Variants in ZBTB20 observed in about 807,000 individuals in gnomAD.
The protein encoded by ZBTB20 is zinc finger and BTB domain containing 20, also known as zinc finger and BTB domain-containing protein 20.
ZBTB20 carries 9 observed loss-of-function variants against 56.9 expected under a neutral mutation model. That is an observed-to-expected ratio of 0.16 (90% CI 0.10 to 0.28). ZBTB20 has a LOEUF of 0.28. Among genes scored for constraint, ZBTB20 ranks in the 10% least tolerant of loss-of-function variants. ZBTB20 has a pLI of 1.00. For missense variants in ZBTB20, 655 were observed against 1,003.0 expected (o/e 0.65, Z 4.69); for synonymous variants, 417 against 420.7 (o/e 0.99, Z 0.11).
chr3:114,614,142 C>T (rs1403202689), intron 6 of ZBTB20, among the ~76,000 whole-genome samples: 2 of 152,250 alleles, frequency 1.3e-5, no homozygotes, highest in East Asian at 3.9e-4. Flanking sequence ...AAGAGTTGCC[C>T]TGCCTCATCT....
intron 10 of ZBTB20, among the ~76,000 whole-genome samples, chr3:114,371,267 C>T (rs981577018): frequency 1.3e-5 from 2 of 152,082 alleles, no homozygotes; most frequent in Non-Finnish European, 2.9e-5. Flanking sequence ...ATATACTTTA[C>T]AAACTTTCTA....
intron 1 of ZBTB20, among the ~76,000 whole-genome samples, chr3:115,138,809 G>C (rs1303481952): frequency 6.6e-6 from 1 of 152,044 alleles, no homozygotes; most frequent in Non-Finnish European, 1.5e-5. Flanking sequence ...GGTGTGATTA[G>C]TATTCCTGTT....
intron 6 of ZBTB20, among the ~76,000 whole-genome samples, chr3:114,652,378 T>C (rs1009898225): frequency 1.3e-5 from 2 of 152,110 alleles, no homozygotes; most frequent in Non-Finnish European, 2.9e-5. Flanking sequence ...TTTCATTATA[T>C]GAATATACCA....
chr3:114,431,572 T>G (rs1314707585), intron 7 of ZBTB20, among the ~76,000 whole-genome samples: 1 of 152,200 alleles, frequency 6.6e-6, no homozygotes, highest in Non-Finnish European at 1.5e-5. Context: ...CATTGACACT[T>G]GATAATCAAG....
chr3:114,345,098 A>G (rs1215370538), intron 11 of ZBTB20, among the ~76,000 whole-genome samples: 1 of 152,272 alleles, frequency 6.6e-6, no homozygotes, highest in Non-Finnish European at 1.5e-5. Flanking sequence ...GTATCTGTGT[A>G]TAAGTCCCTT....
chr3:115,130,219 C>T (rs915803391), intron 1 of ZBTB20, among the ~76,000 whole-genome samples: 2 of 152,012 alleles, frequency 1.3e-5, no homozygotes, highest in Non-Finnish European at 2.9e-5. Context: ...CATCTAATAT[C>T]TTTAAATTCT....
chr3:114,502,716 G>A (rs1003801639), intron 6 of ZBTB20: 4 of 152,020 alleles, frequency 2.6e-5, no homozygotes, highest in African/African-American at 9.7e-5. Flanking sequence ...ATTAGACTAT[G>A]GCACAGGGGC....
chr3:114,400,277 T>A (rs2086701002), intron 7 of ZBTB20, among the ~76,000 whole-genome samples: 1 of 152,174 alleles, frequency 6.6e-6, no homozygotes, highest in Non-Finnish European at 1.5e-5. Context: ...ATAATACTTG[T>A]AAGCTGTAAA....
chr3:114,885,174 A>C (rs12495877), intron 4 of ZBTB20, among the ~76,000 whole-genome samples: 38,527 of 151,998 alleles, frequency 0.25, 5,227 homozygotes, highest in Middle Eastern at 0.33. Flanking sequence ...CCAACTGTAC[A>C]TTGTTAATAG....
At chr3:114,947,240 A>G (rs1185342801) in intron 3 of ZBTB20, among the ~76,000 whole-genome samples, 1 of 146,114 alleles carries the variant, frequency 6.8e-6, no homozygotes, top group East Asian at 1.9e-4. Flanking sequence ...CACTATAGAA[A>G]ACAATATGGA....
chr3:114,920,228 C>A (rs759930661), intron 3 of ZBTB20, among the ~76,000 whole-genome samples: 1 of 152,050 alleles, frequency 6.6e-6, no homozygotes, highest in African/African-American at 2.4e-5. Flanking sequence ...ATATAGACAG[C>A]AAATCACCAG....
At chr3:115,126,923 C>T (rs1040284980) in intron 1 of ZBTB20, among the ~76,000 whole-genome samples, 5 of 152,176 alleles carry the variant, frequency 3.3e-5, no homozygotes, top group Non-Finnish European at 4.4e-5. Context: ...GGAAAAATGA[C>T]TATGAACTAT....
chr3:114,646,810 C>T (rs1206223153), intron 6 of ZBTB20, among the ~76,000 whole-genome samples: 1 of 152,088 alleles, frequency 6.6e-6, no homozygotes, highest in Non-Finnish European at 1.5e-5. Flanking sequence ...GATAAATAAC[C>T]TCAGTACAAT....
At chr3:114,583,992 T>TC (rs1256724204) in intron 6 of ZBTB20, among the ~76,000 whole-genome samples, 1 of 152,172 alleles carries the variant, frequency 6.6e-6, no homozygotes, top group Non-Finnish European at 1.5e-5. Flanking sequence ...TCACATACAT[T>TC]CACATTTCTA....
chr3:114,564,578 G>T (rs1239144813), intron 6 of ZBTB20, among the ~76,000 whole-genome samples: 1 of 152,120 alleles, frequency 6.6e-6, no homozygotes, highest in Admixed American at 6.6e-5. Context: ...CTTAGCTTTG[G>T]TTTGTAGAAC....
At position 114,636,984 on chromosome 3, in the gene ZBTB20, G is replaced by A. The variant is rs6763953; in HGVS notation, c.-295+56544C>T. Among the ~76,000 whole-genome samples, 1,166 of 152,104 alleles carry A rather than the reference G, an allele frequency of 7.7e-3. 24 individuals carry two copies. Among genetic ancestry groups the A allele is most frequent in the African/African-American group, 0.026 (1,061 of 41,530 alleles). On this transcript the variant is annotated intron_variant, in intron 6 of 11. Coordinates refer to ENST00000675478, the MANE Select transcript of ZBTB20 (RefSeq NM_001348800.3). ...GACAAACATAGACTCAAAGTAAAAG[G>A]TGGGAAAAATATATTCCAAGCAAAC...
intron 7 of ZBTB20, among the ~76,000 whole-genome samples, chr3:114,489,910 AAT>A (rs1270115360): frequency 2.0e-5 from 3 of 152,190 alleles, no homozygotes; most frequent in Non-Finnish European, 4.4e-5. Context: ...ATCATTTTAT[AAT>A]GCTTAAAATA....
intron 6 of ZBTB20, among the ~76,000 whole-genome samples, chr3:114,622,044 C>T (rs1249175105): frequency 6.6e-6 from 1 of 152,122 alleles, no homozygotes; most frequent in Non-Finnish European, 1.5e-5. Context: ...TTGTTTTCAC[C>T]TATTCTCTTC....
At chr3:115,133,363 T>A (rs552368709) in intron 1 of ZBTB20, among the ~76,000 whole-genome samples, 4 of 152,342 alleles carry the variant, frequency 2.6e-5, no homozygotes, top group African/African-American at 9.6e-5. Flanking sequence ...TTCTTTTTCC[T>A]AAAGCTTTAT....
Sources: allele counts gnomAD v4.1 joint callset (sites outside exome capture counted in the v4.1 genomes callset), GRCh38; gene constraint gnomAD v4.1.1; transcripts MANE v1.5; gene names NCBI Gene and HGNC (gene_info 2026-07-23, HGNC 2026-07-21).